The following EGLN1 variants were observed in gnomAD, a reference collection of about 807,000 sequenced individuals.
The protein encoded by EGLN1 is egl-9 family hypoxia inducible factor 1.
A neutral mutation model predicts 38.3 loss-of-function variants in EGLN1; 17 were observed. The observed-to-expected ratio is 0.44, with a 90% CI of 0.30 to 0.67. EGLN1 has a LOEUF of 0.67. EGLN1 is among the 30% of genes least tolerant of loss of function. The pLI is 0.08. For missense variants in EGLN1, 477 were observed against 603.3 expected (o/e 0.79, Z 2.19); for synonymous variants, 283 against 257.5 (o/e 1.10, Z -0.95).
intron 1 of EGLN1, among the ~76,000 whole-genome samples, chr1:231,383,240 C>T (rs537785994): frequency 1.4e-4 from 21 of 151,982 alleles, no homozygotes; most frequent in Middle Eastern, 3.2e-3. Context: ...TTTAGAAGCT[C>T]GGTTCTGGGG....
In EGLN1 at chr1:231,375,202, C is replaced by A. The variant is rs1002491785; in HGVS notation, c.892-1103G>T. On this transcript the variant is annotated intron_variant, in intron 1 of 4. Transcript: ENST00000366641. ...TCCCGAGTAGCTGGGATTACAGGTG[C>A]ATGCTGCCAGGCCCGGCTAATTTTT... Among the ~76,000 whole-genome samples, 4 of 152,070 alleles carry A rather than the reference C, an allele frequency of 2.6e-5. No homozygotes were observed. The East Asian group carries it at 5.8e-4, about 22-fold the overall frequency.
chr1:231,376,667 A>T (rs986430931), intron 1 of EGLN1, among the ~76,000 whole-genome samples: 3 of 152,212 alleles, frequency 2.0e-5, no homozygotes, highest in Non-Finnish European at 4.4e-5. Flanking sequence ...CAGCATAATT[A>T]GCCAATAAAC....
In EGLN1 at chr1:231,381,230, T is replaced by C. The variant is rs537747480; in HGVS notation, c.892-7131A>G. Among the ~76,000 whole-genome samples, 307 of 152,242 alleles carry C rather than the reference T, an allele frequency of 2.0e-3. 3 individuals are homozygous for C. The highest frequency in any genetic ancestry group is 6.8e-3 in the African/African-American group (282 of 41,540). On this transcript the variant is annotated intron_variant, in intron 1 of 4. Coordinates refer to ENST00000366641, the MANE Select transcript of EGLN1 (RefSeq NM_022051.3). Reference sequence around the variant, plus strand: ...CCCCCTACTGATTTTTAAGAGCTCTTTGGTTGTTAACCGCTGTCATATGAC... The same window carrying C: ...CCCCCTACTGATTTTTAAGAGCTCTCTGGTTGTTAACCGCTGTCATATGAC...
rs116484273 is a variant in EGLN1, at chr1:231,398,983, G to A, written c.891+22015C>T. The stretch of plus-strand genomic sequence containing the variant: ...GCAGGTTTCAGAAGGAAGATAATAG[G>A]GTAGGATTAGTCTGATATTAAGTGT... On this transcript the variant is annotated intron_variant, in intron 1 of 4. Coordinates refer to ENST00000366641, the MANE Select transcript of EGLN1 (RefSeq NM_022051.3). Among the ~76,000 whole-genome samples, 161 of 152,220 alleles carry A rather than the reference G, an allele frequency of 1.1e-3. 1 individual carries two copies. Among genetic ancestry groups the A allele is most frequent in the African/African-American group, 3.7e-3 (154 of 41,514 alleles).
intron 1 of EGLN1, among the ~76,000 whole-genome samples, chr1:231,410,041 C>T (rs1413172802): frequency 6.6e-6 from 1 of 152,112 alleles, no homozygotes; most frequent in Non-Finnish European, 1.5e-5. Flanking sequence ...AACCACAGAT[C>T]ATAAAGAATA....
chr1:231,370,710 G>T lies in EGLN1; in HGVS notation c.1012-12C>A, dbSNP rs1687797736. The T allele has an allele frequency of 6.2e-7, 1 of 1,613,862 alleles. No individual in the cohort carries two copies. The highest frequency in any genetic ancestry group is 1.3e-5 in the African/African-American group (1 of 74,860). On this transcript the variant is annotated splice_polypyrimidine_tract_variant and intron_variant, in intron 2 of 4. Coordinates refer to ENST00000366641, the MANE Select transcript of EGLN1 (RefSeq NM_022051.3). Reference sequence around the variant, plus strand: ...ATACCTCCACTTACCTAGGAAAAGAGCCAAATATGTAAGCAGGAGTAACCA... The same window carrying T: ...ATACCTCCACTTACCTAGGAAAAGATCCAAATATGTAAGCAGGAGTAACCA...
chr1:231,418,557 C>T (rs1656421522), intron 1 of EGLN1, among the ~76,000 whole-genome samples: 1 of 152,168 alleles, frequency 6.6e-6, no homozygotes, highest in Non-Finnish European at 1.5e-5. Context: ...TAACACTACT[C>T]ACTTCACAGA....
At chr1:231,376,940 T>G (rs1687975821) in intron 1 of EGLN1, among the ~76,000 whole-genome samples, 2 of 152,048 alleles carry the variant, frequency 1.3e-5, no homozygotes, top group Admixed American at 1.3e-4. Context: ...CGGGCCAATG[T>G]GATCAGAGAG....
At chr1:231,385,435 T>C (rs953067761) in intron 1 of EGLN1, among the ~76,000 whole-genome samples, 1 of 151,932 alleles carries the variant, frequency 6.6e-6, no homozygotes, top group African/African-American at 2.4e-5. Flanking sequence ...GAAAAATGAG[T>C]TTTGAAAGAG....
chr1:231,394,065 T>G (rs1688457467), intron 1 of EGLN1, among the ~76,000 whole-genome samples: 1 of 152,222 alleles, frequency 6.6e-6, no homozygotes. Context: ...CATCTCATCC[T>G]CCTTGTGGCT....
intron 1 of EGLN1, among the ~76,000 whole-genome samples, chr1:231,377,883 TC>T (rs34165011): frequency 0.098 from 14,964 of 152,258 alleles, 821 homozygotes; most frequent in Middle Eastern, 0.12. Flanking sequence ...AAGTGAGGAT[TC>T]TTTGAAAAAA....
At chr1:231,406,165 C>CAAAACAAAAAA (rs1313715220) in intron 1 of EGLN1, among the ~76,000 whole-genome samples, 8 of 139,090 alleles carry the variant, frequency 5.8e-5, no homozygotes, top group South Asian at 2.2e-4. Context: ...GACTCCGTCT[C>CAAAACAAAAAA]AAAAAAAAAA....
intron 1 of EGLN1, among the ~76,000 whole-genome samples, chr1:231,391,203 G>A (rs1688377410): frequency 6.6e-6 from 1 of 150,666 alleles, no homozygotes; most frequent in African/African-American, 2.5e-5. Flanking sequence ...CTCCCATCTT[G>A]GCCTCCCCAA....
Position 231,366,275 on chromosome 1 carries a change from C to T in EGLN1, c.*136G>A, listed in dbSNP as rs1687641644. The T allele has an allele frequency of 1.1e-6, 1 of 926,820 alleles. No individual in the cohort carries two copies. Among genetic ancestry groups the T allele is most frequent in the Non-Finnish European group, 1.7e-6 (1 of 584,924 alleles). The allele number at this position is 926,820 out of a possible 1,614,324, so 57.4% of individuals were successfully genotyped here. A position where few individuals can be genotyped will look rare whatever the true frequency, so the allele number is the denominator to read the frequency against. ...TCAAAATCTTCTGTTTGATGCAACA[C>T]AAAAAGTTGTTTCTGTTTCCTTATT... On this transcript the variant is annotated 3_prime_UTR_variant, in exon 5 of 5. Coordinates refer to ENST00000366641, the MANE Select transcript of EGLN1 (RefSeq NM_022051.3).
chr1:231,370,849 G>A (rs1687803450), intron 2 of EGLN1, 151 bp from the exon 3 acceptor site: 1 of 872,500 alleles, frequency 1.1e-6, no homozygotes, highest in Admixed American at 2.2e-5. Context: ...AATTTTAAAA[G>A]TATATGCACT....
At chr1:231,398,275 T>G (rs1572039008) in intron 1 of EGLN1, among the ~76,000 whole-genome samples, 1 of 152,032 alleles carries the variant, frequency 6.6e-6, no homozygotes, top group South Asian at 2.1e-4. Flanking sequence ...GAAAGAAAGG[T>G]AGGAAGGGAA....
intron 1 of EGLN1, among the ~76,000 whole-genome samples, chr1:231,394,226 T>C (rs113606212): frequency 0.017 from 2,542 of 152,268 alleles, 59 homozygotes; most frequent in African/African-American, 0.053. Context: ...ATTATGCAGA[T>C]TGACACCACT....
intron 1 of EGLN1, among the ~76,000 whole-genome samples, chr1:231,400,356 G>C (rs1688635412): frequency 6.6e-6 from 1 of 152,048 alleles, no homozygotes; most frequent in South Asian, 2.1e-4. Context: ...CTTCACCTCA[G>C]ATTCAGAATC....
chr1:231,377,503 C>T lies in EGLN1; in HGVS notation c.892-3404G>A, dbSNP rs373769001. ...GAGTAAGAAGAGTCAAGAATGACTA[C>T]GGGGTTTTCAGCCTAGGTAAGTAAA... On this transcript the variant is annotated intron_variant, in intron 1 of 4. Coordinates refer to ENST00000366641, the MANE Select transcript of EGLN1 (RefSeq NM_022051.3). 2.6e-5 allele frequency among the ~76,000 whole-genome samples: 4 copies of T among 152,276 alleles called. No individual in the cohort carries two copies. The East Asian group carries it at 7.7e-4, about 29-fold the overall frequency.
Sources: gnomAD v4.1 joint callset for allele counts (sites outside exome capture counted in the v4.1 genomes callset) on GRCh38, gnomAD v4.1.1 for gene constraint, MANE v1.5 for transcripts, NCBI Gene and HGNC (gene_info 2026-07-23, HGNC 2026-07-21) for gene names.